Variants in MCM9 observed in about 807,000 individuals in gnomAD.
The protein encoded by MCM9 is minichromosome maintenance 9 homologous recombination repair factor.
A neutral mutation model predicts 72.8 loss-of-function variants in MCM9; 55 were observed. That is an observed-to-expected ratio of 0.76 (90% CI 0.61 to 0.95). The LOEUF (loss-of-function observed/expected upper bound fraction) is 0.95. MCM9 is among the 40% of genes least tolerant of loss of function. The pLI is 0.00. For missense variants in MCM9, 1,279 were observed against 1,377.0 expected, an observed-to-expected ratio of 0.93 and a Z score of 1.13; for synonymous variants, 480 against 503.4, an observed-to-expected ratio of 0.95 and a Z score of 0.62.
intron 8 of MCM9, among the ~76,000 whole-genome samples, chr6:118,875,848 C>G (rs1322646563): frequency 1.3e-5 from 2 of 152,040 alleles, no homozygotes; most frequent in African/African-American, 4.8e-5. Flanking sequence ...GCAAACAGAT[C>G]GTTACCATAC....
intron 13 of MCM9, among the ~76,000 whole-genome samples, chr6:118,824,730 C>T (rs2114534436): frequency 6.6e-6 from 1 of 152,290 alleles, no homozygotes; most frequent in East Asian, 1.9e-4. Context: ...CCTTAAGGAA[C>T]AGAGAACTCT....
intron 9 of MCM9, among the ~76,000 whole-genome samples, chr6:118,855,572 T>G (rs1776503335): frequency 6.6e-6 from 1 of 152,072 alleles, no homozygotes; most frequent in Non-Finnish European, 1.5e-5. Flanking sequence ...TACAAATAGA[T>G]CTCATAGAAT....
intron 8 of MCM9, chr6:118,909,040 G>T (rs1179768200): frequency 6.6e-6 from 1 of 152,162 alleles, no homozygotes; most frequent in Non-Finnish European, 1.5e-5. Flanking sequence ...CCATTAACTA[G>T]TTCATAGATT....
intron 8 of MCM9, among the ~76,000 whole-genome samples, chr6:118,897,532 T>A (rs999868963): frequency 6.6e-6 from 1 of 152,074 alleles, no homozygotes; most frequent in African/African-American, 2.4e-5. Flanking sequence ...CTTTCCAACT[T>A]CAGCTTGTTC....
At chr6:118,883,189 T>C (rs946819791) in intron 8 of MCM9, among the ~76,000 whole-genome samples, 3 of 151,012 alleles carry the variant, frequency 2.0e-5, no homozygotes, top group East Asian at 1.9e-4. Context: ...GTACAATAAC[T>C]GAAACAAAAA....
chr6:118,882,232 C>T (rs1778334744), intron 8 of MCM9, among the ~76,000 whole-genome samples: 1 of 152,200 alleles, frequency 6.6e-6, no homozygotes, highest in Non-Finnish European at 1.5e-5. Flanking sequence ...CATTTCCGCC[C>T]CCTGGCTGGA....
intron 8 of MCM9, among the ~76,000 whole-genome samples, chr6:118,866,541 A>G (rs1355108348): frequency 1.3e-5 from 2 of 152,238 alleles, no homozygotes; most frequent in East Asian, 3.8e-4. Flanking sequence ...ACTATAACTT[A>G]ACTGAAAAAT....
intron 8 of MCM9, among the ~76,000 whole-genome samples, chr6:118,897,074 A>T (rs1164916728): frequency 1.3e-5 from 2 of 152,158 alleles, no homozygotes; most frequent in Non-Finnish European, 2.9e-5. Context: ...CCTGGGCTCA[A>T]GCAGTCCTCC....
At chr6:118,881,012 AAAT>A (rs567075539) in intron 8 of MCM9, among the ~76,000 whole-genome samples, 68 of 152,326 alleles carry the variant, frequency 4.5e-4, no homozygotes, top group African/African-American at 1.6e-3. Flanking sequence ...GATTAACAAA[AAAT>A]AATAATAGAA....
chr6:118,894,308 T>C (rs1779188206), intron 8 of MCM9: 1 of 1,498,504 alleles, frequency 6.7e-7, no homozygotes. Flanking sequence ...GCACGACGTC[T>C]GGCCGGCGCT....
In MCM9 at chr6:118,815,387, G is replaced by A. The variant is rs1312205348; in HGVS notation, c.2869C>T (p.Gln957Ter). The A allele has an allele frequency of 1.9e-6, 3 of 1,550,394 alleles. No homozygotes were observed. Among genetic ancestry groups the A allele is most frequent in the Non-Finnish European group, 2.6e-6 (3 of 1,146,926 alleles). Residue 957 changes from glutamine to a stop codon, truncating the protein, a stop_gained, in exon 14 of 14, where the codon CAG becomes TAG. Transcript: ENST00000619706. LOFTEE classifies it low-confidence loss of function (END_TRUNC). ...KIAVHSPKIS[Q>*]RRTRRDAALP... The stretch of plus-strand genomic sequence containing the variant: ...GCTGCGTCTCTTCTTGTTCTACGCT[G>A]GGAAATTTTAGGACTATGAACTGCT...
At chr6:118,817,171 G>A (rs1773460352) in intron 13 of MCM9, among the ~76,000 whole-genome samples, 1 of 152,032 alleles carries the variant, frequency 6.6e-6, no homozygotes, top group Non-Finnish European at 1.5e-5. Flanking sequence ...TGCAGAACAT[G>A]CAGGTTTGTT....
At chr6:118,871,136 A>T (rs1185190316) in intron 8 of MCM9, among the ~76,000 whole-genome samples, 1 of 152,234 alleles carries the variant, frequency 6.6e-6, no homozygotes, top group Non-Finnish European at 1.5e-5. Flanking sequence ...CCAGAAAAAG[A>T]CACTACAAAA....
chr6:118,905,619 G>A, intron 8 of MCM9: 1 of 1,552,314 alleles, frequency 6.4e-7, no homozygotes. Context: ...CCTTTTGTGT[G>A]TGTGTGTTTC....
intron 8 of MCM9, among the ~76,000 whole-genome samples, chr6:118,872,839 G>GA (rs1020379990): frequency 1.3e-5 from 2 of 150,908 alleles, no homozygotes; most frequent in African/African-American, 2.4e-5. Flanking sequence ...AAAGTAAGCA[G>GA]AAAAAAAAAT....
chr6:118,862,833 A>G (rs1016156209), intron 8 of MCM9, among the ~76,000 whole-genome samples: 4 of 152,130 alleles, frequency 2.6e-5, no homozygotes, highest in African/African-American at 2.4e-5. Context: ...AGAAGACAGT[A>G]AAGTGAAATA....
chr6:118,921,970 C>A, intron 5 of MCM9, 35 bp downstream of exon 5: 9 of 1,539,962 alleles, frequency 5.8e-6, no homozygotes, highest in Non-Finnish European at 8.0e-6. Flanking sequence ...TTAGGACTAC[C>A]TACACAAGCT....
chr6:118,844,400 G>T (rs1374077866), intron 9 of MCM9, among the ~76,000 whole-genome samples: 1 of 151,612 alleles, frequency 6.6e-6, no homozygotes, highest in Non-Finnish European at 1.5e-5. Flanking sequence ...CTTTTAGAGT[G>T]TTTTCACTGG....
intron 8 of MCM9, among the ~76,000 whole-genome samples, chr6:118,904,941 G>A (rs1780071955): frequency 6.6e-6 from 1 of 152,162 alleles, no homozygotes; most frequent in East Asian, 1.9e-4. Flanking sequence ...CGGTTCAAGT[G>A]ATTCTCCTGC....
Sources: allele counts gnomAD v4.1 joint callset (sites outside exome capture counted in the v4.1 genomes callset), GRCh38; gene constraint gnomAD v4.1.1; transcripts MANE v1.5; gene names NCBI Gene and HGNC (gene_info 2026-07-23, HGNC 2026-07-21).